The following SGMS2 variants were observed in gnomAD, a reference collection of about 807,000 sequenced individuals.
SGMS2 encodes phosphatidylcholine:ceramide cholinephosphotransferase 2.
In SGMS2, 21 loss-of-function variants were observed where a neutral mutation model predicts 43.8. The ratio of observed to expected loss-of-function variants is 0.48; its 90% CI spans 0.34 to 0.69. The LOEUF (loss-of-function observed/expected upper bound fraction) is 0.69. Ranked by LOEUF, SGMS2 falls within the 30% of genes least tolerant of loss-of-function variation. SGMS2 has a pLI of 0.01. For missense variants in SGMS2, 384 were observed against 443.2 expected, an observed-to-expected ratio of 0.87 and a Z score of 1.20; for synonymous variants, 167 against 160.6, an observed-to-expected ratio of 1.04 and a Z score of -0.30.
intron 2 of SGMS2, among the ~76,000 whole-genome samples, chr4:107,869,582 T>A (rs757888121): frequency 1.3e-5 from 2 of 152,158 alleles, no homozygotes; most frequent in Non-Finnish European, 2.9e-5. Flanking sequence ...TGAGAACAAG[T>A]AATTGGATAA....
At chr4:107,874,262 A>G (rs943619351) in intron 2 of SGMS2, among the ~76,000 whole-genome samples, 1 of 152,170 alleles carries the variant, frequency 6.6e-6, no homozygotes, top group Admixed American at 6.6e-5. Context: ...AGCTCTGTAC[A>G]GGGGGCATTA....
intron 1 of SGMS2, among the ~76,000 whole-genome samples, chr4:107,834,613 A>G (rs1016686918): frequency 6.6e-6 from 1 of 152,206 alleles, no homozygotes; most frequent in African/African-American, 2.4e-5. Context: ...GTTATTATGA[A>G]ATCCCAGAGA....
intron 1 of SGMS2, among the ~76,000 whole-genome samples, chr4:107,849,431 C>T (rs1462010721): frequency 6.6e-6 from 1 of 151,936 alleles, no homozygotes; most frequent in Non-Finnish European, 1.5e-5. Flanking sequence ...TTTAAGTAGC[C>T]CCATGTACCT....
intron 2 of SGMS2, among the ~76,000 whole-genome samples, chr4:107,862,893 A>G (rs1727838268): frequency 1.3e-5 from 2 of 152,188 alleles, no homozygotes; most frequent in African/African-American, 4.8e-5. Flanking sequence ...TGATGTTTCC[A>G]GGAAATGCCG....
intron 1 of SGMS2, among the ~76,000 whole-genome samples, chr4:107,826,841 T>C (rs1261986694): frequency 6.6e-6 from 1 of 152,204 alleles, no homozygotes; most frequent in Admixed American, 6.5e-5. Context: ...CTTTAGCACT[T>C]GTGCACGTTA....
intron 2 of SGMS2, chr4:107,867,555 G>A (rs186165024): frequency 2.6e-5 from 4 of 152,314 alleles, no homozygotes; most frequent in Admixed American, 2.6e-4. Flanking sequence ...AGAACAGCCT[G>A]CCGAGTCAGA....
chr4:107,844,058 C>T (rs2126002982), intron 1 of SGMS2, among the ~76,000 whole-genome samples: 1 of 152,238 alleles, frequency 6.6e-6, no homozygotes, highest in East Asian at 1.9e-4. Context: ...CACGGTGGCT[C>T]ACGCCTATAA....
At position 107,895,507 on chromosome 4, in the gene SGMS2, G is replaced by A; in HGVS notation, c.-47G>A. 1 of 1,548,512 alleles carries A rather than the reference G, an allele frequency of 6.5e-7. No homozygotes were observed. The highest frequency in any genetic ancestry group is 8.7e-7 in the Non-Finnish European group (1 of 1,147,234). On this transcript the variant is annotated 5_prime_UTR_variant, in exon 3 of 7. Transcript: ENST00000690982. ...TTGAAAAAAGCTAAATTTCCACAAAGAACAAGAACTTGACCATCTCCTTTT... is the reference window on the plus strand; with the variant it reads ...TTGAAAAAAGCTAAATTTCCACAAAAAACAAGAACTTGACCATCTCCTTTT...
chr4:107,829,812 C>G (rs940061338), intron 1 of SGMS2, among the ~76,000 whole-genome samples: 1 of 150,900 alleles, frequency 6.6e-6, no homozygotes. Flanking sequence ...TGGACTCAAG[C>G]GATCCTCCCA....
At chr4:107,833,531 G>A (rs534366364) in intron 1 of SGMS2, among the ~76,000 whole-genome samples, 14 of 152,120 alleles carry the variant, frequency 9.2e-5, no homozygotes, top group African/African-American at 1.9e-4. Context: ...ATGATGGGTC[G>A]TAGTTAAAAC....
intron 2 of SGMS2, among the ~76,000 whole-genome samples, chr4:107,880,811 G>T (rs562504107): frequency 1.4e-5 from 2 of 148,066 alleles, no homozygotes; most frequent in South Asian, 4.2e-4. Flanking sequence ...CCAAGATCGT[G>T]CCACTGCACT....
Position 107,910,632 on chromosome 4 carries a change from A to G in SGMS2, c.*79A>G, listed in dbSNP as rs774986385. On this transcript the variant is annotated 3_prime_UTR_variant, in exon 7 of 7. Transcript: ENST00000690982. Reference sequence around the variant, plus strand: ...AAGGTATAGTTTTGTTTTTTATTTTAGGAGAACTGACTGGTAAATGAAGAA... The same window carrying G: ...AAGGTATAGTTTTGTTTTTTATTTTGGGAGAACTGACTGGTAAATGAAGAA... The G allele has an allele frequency of 1.4e-5, 19 of 1,365,072 alleles. No individual in the cohort carries two copies. The highest frequency in any genetic ancestry group is 1.9e-5 in the Non-Finnish European group (19 of 1,002,080). The allele number at this position is 1,365,072 out of a possible 1,614,324, so 84.6% of individuals were successfully genotyped here. A position where few individuals can be genotyped will look rare whatever the true frequency, so the allele number is the denominator to read the frequency against.
At chr4:107,901,109 T>G (rs1212730718) in intron 4 of SGMS2, among the ~76,000 whole-genome samples, 1 of 152,192 alleles carries the variant, frequency 6.6e-6, no homozygotes, top group Non-Finnish European at 1.5e-5. Context: ...GTGGAAGAGT[T>G]GCAATCTTTG....
chr4:107,835,506 C>A (rs1347123594), intron 1 of SGMS2, among the ~76,000 whole-genome samples: 1 of 152,150 alleles, frequency 6.6e-6, no homozygotes, highest in Non-Finnish European at 1.5e-5. Context: ...TTCTAAAATG[C>A]TTTTAGAGAT....
chr4:107,873,034 CA>C (rs1427719663), intron 2 of SGMS2, among the ~76,000 whole-genome samples: 1 of 152,086 alleles, frequency 6.6e-6, no homozygotes, highest in Non-Finnish European at 1.5e-5. Context: ...AGAATGGTAC[CA>C]ATTTATGATT....
rs1339858683 is a variant in SGMS2 at position 107,910,815 on chromosome 4, A to G, written c.*262A>G. On this transcript the variant is annotated 3_prime_UTR_variant, in exon 7 of 7. Transcript: ENST00000690982. ...GACTTTACTAATGAGCTTGTTAAAG[A>G]GGTGCCAAAGAACATATTCCTCCTT... is the stretch of plus-strand genomic sequence containing the variant. The G allele has an allele frequency of 2.7e-6, 1 of 369,416 alleles. No individual in the cohort carries two copies. Among genetic ancestry groups the G allele is most frequent in the East Asian group, 4.7e-5 (1 of 21,442 alleles). 22.9% of individuals were successfully genotyped at this position (369,416 alleles called of 1,614,324 possible).
At position 107,854,533 on chromosome 4, in the gene SGMS2, G is replaced by A. The variant is rs534272345; in HGVS notation, c.-326-3939G>A. Among the ~76,000 whole-genome samples, 13 of 152,276 alleles carry A rather than the reference G, an allele frequency of 8.5e-5. No individual in the cohort carries two copies. The South Asian group carries it at 2.5e-3, about 29-fold the overall frequency. ...ACTTAAAAACAGATGCTTCTAGGGG[G>A]AGTTGCTTTTCAATGCATCAGGTTA... is the stretch of plus-strand genomic sequence containing the variant. On this transcript the variant is annotated intron_variant, in intron 1 of 6. Coordinates refer to ENST00000690982, the MANE Select transcript of SGMS2 (RefSeq NM_001375905.1).
At position 107,895,722 on chromosome 4, in the gene SGMS2, C is replaced by T. The variant is rs1240969424; in HGVS notation, c.169C>T (p.Pro57Ser). The T allele has an allele frequency of 1.2e-5, 20 of 1,613,900 alleles. No individual in the cohort carries two copies. Among genetic ancestry groups the T allele is most frequent in the Non-Finnish European group, 1.7e-5 (20 of 1,179,940 alleles). The stretch of plus-strand genomic sequence containing the variant: ...GCTGCGAAAAGGCACCAAAAAGTAC[C>T]CGGACTATATCCAAATTGCTATGCC... ...SGLRKGTKKY[P>S]DYIQIAMPTE... The change falls in exon 3 of 7, where the codon CCG (proline) becomes TCG (serine). Residue 57 changes from proline (P) to serine (S), a missense_variant. Coordinates refer to ENST00000690982, the MANE Select transcript of SGMS2 (RefSeq NM_001375905.1).
chr4:107,881,261 G>T (rs1221920896), intron 2 of SGMS2, among the ~76,000 whole-genome samples: 1 of 148,060 alleles, frequency 6.8e-6, no homozygotes, highest in Admixed American at 6.7e-5. Context: ...TTTAAGAAAT[G>T]AAAAAAAAAA....
Sources: gnomAD v4.1 joint callset for allele counts (sites outside exome capture counted in the v4.1 genomes callset) on GRCh38, gnomAD v4.1.1 for gene constraint, MANE v1.5 for transcripts, NCBI Gene and HGNC (gene_info 2026-07-23, HGNC 2026-07-21) for gene names.